CTDSPL2: variants seen among roughly 807,000 people sequenced by gnomAD.
CTDSPL2 encodes the protein CTD small phosphatase-like protein 2.
In CTDSPL2, 5 loss-of-function variants were observed where a neutral mutation model predicts 60.0. The ratio of observed to expected loss-of-function variants is 0.08; its 90% CI spans 0.04 to 0.18. CTDSPL2 has a LOEUF of 0.18. Ranked by LOEUF, CTDSPL2 falls within the 10% of genes least tolerant of loss-of-function variation. The pLI is 1.00. For missense variants in CTDSPL2, 370 were observed against 548.8 expected, an observed-to-expected ratio of 0.67 and a Z score of 3.26; for synonymous variants, 186 against 189.3, an observed-to-expected ratio of 0.98 and a Z score of 0.14.
intron 2 of CTDSPL2, among the ~76,000 whole-genome samples, chr15:44,466,265 G>A (rs887372730): frequency 7.2e-5 from 11 of 151,810 alleles, no homozygotes; most frequent in African/African-American, 1.2e-4. Context: ...TGATTCACCC[G>A]CCTTGGCCTC....
chr15:44,505,297 C>G (rs976011257), intron 8 of CTDSPL2, among the ~76,000 whole-genome samples: 26 of 152,100 alleles, frequency 1.7e-4, no homozygotes, highest in African/African-American at 6.3e-4. Flanking sequence ...TGGCACACAC[C>G]TCTAGTCCCA....
chr15:44,509,572 C>T (rs909695186), intron 8 of CTDSPL2, among the ~76,000 whole-genome samples: 3 of 152,128 alleles, frequency 2.0e-5, no homozygotes, highest in African/African-American at 4.8e-5. Context: ...TATCTATATA[C>T]AATTTTTATC....
At chr15:44,468,863 T>C (rs1452338645) in intron 2 of CTDSPL2, among the ~76,000 whole-genome samples, 1 of 152,170 alleles carries the variant, frequency 6.6e-6, no homozygotes, top group African/African-American at 2.4e-5. Context: ...CATGATAAAA[T>C]CTTACATCAT....
chr15:44,471,469 T>C (rs1462971809), intron 2 of CTDSPL2, among the ~76,000 whole-genome samples: 1 of 152,192 alleles, frequency 6.6e-6, no homozygotes, highest in Non-Finnish European at 1.5e-5. Context: ...TACAGCTCTA[T>C]GAGTTTGGGG....
chr15:44,472,141 A>C (rs2080823301), intron 2 of CTDSPL2, among the ~76,000 whole-genome samples: 1 of 152,232 alleles, frequency 6.6e-6, no homozygotes, highest in East Asian at 1.9e-4. Flanking sequence ...GACCATATGA[A>C]GAATGCTGTG....
At chr15:44,462,743 G>C (rs187835704) in intron 2 of CTDSPL2, among the ~76,000 whole-genome samples, 2 of 121,788 alleles carry the variant, frequency 1.6e-5, no homozygotes, top group Non-Finnish European at 3.2e-5. Flanking sequence ...GTCTTGGTCT[G>C]TTGCCCAGGG....
Position 44,526,981 on chromosome 15 carries a change from A to G in CTDSPL2, c.*2807A>G, listed in dbSNP as rs2081886133. The G allele has an allele frequency of 6.6e-6, 1 of 152,222 alleles. No homozygotes were observed. The highest frequency in any genetic ancestry group is 1.5e-5 in the Non-Finnish European group (1 of 67,978). 9.4% of individuals were successfully genotyped at this position (152,222 alleles called of 1,614,324 possible). ...TCTTTTAAATATTTGTATCATTGTT[A>G]GGATGTTTTAATCAGTTGTTTTTTA... On this transcript the variant is annotated 3_prime_UTR_variant, in exon 13 of 13. Transcript: ENST00000260327.
At chr15:44,523,090 A>G (rs1484662684) in intron 12 of CTDSPL2, among the ~76,000 whole-genome samples, 2 of 151,908 alleles carry the variant, frequency 1.3e-5, no homozygotes, top group African/African-American at 4.8e-5. Flanking sequence ...TCCGCCTCCC[A>G]TGTTCAAGGG....
At position 44,446,974 on chromosome 15, in the gene CTDSPL2, C is replaced by T. The variant is rs149613825; in HGVS notation, c.-24-12017C>T. 7.4e-3 allele frequency among the ~76,000 whole-genome samples: 1,116 copies of T among 151,746 alleles called. 12 individuals carry two copies. The highest frequency in any genetic ancestry group is 0.026 in the African/African-American group (1,066 of 41,424). On this transcript the variant is annotated intron_variant, in intron 1 of 12. Transcript: ENST00000260327. ...TTCACCATGTTGGCCAGGCTGGTCT[C>T]GAACTCCAGACCTCGTGAGCCACTG... is the stretch of plus-strand genomic sequence containing the variant.
intron 5 of CTDSPL2, among the ~76,000 whole-genome samples, chr15:44,495,953 CT>C (rs530717156): frequency 1.1e-3 from 162 of 152,128 alleles, no homozygotes; most frequent in Non-Finnish European, 2.1e-3. Context: ...CACAAAAAAC[CT>C]ACATTTGGGT....
intron 8 of CTDSPL2, among the ~76,000 whole-genome samples, chr15:44,514,296 G>A (rs1178648134): frequency 6.6e-6 from 1 of 152,140 alleles, no homozygotes; most frequent in Non-Finnish European, 1.5e-5. Context: ...AAATCTCAGA[G>A]GGAAACTTTC....
At chr15:44,494,777 G>T (rs569317604) in intron 5 of CTDSPL2, among the ~76,000 whole-genome samples, 1 of 151,746 alleles carries the variant, frequency 6.6e-6, no homozygotes, top group Non-Finnish European at 1.5e-5. Flanking sequence ...TTAGCCGGGC[G>T]TGGTAGCAGG....
intron 1 of CTDSPL2, among the ~76,000 whole-genome samples, chr15:44,457,022 A>T (rs1039081037): frequency 2.8e-4 from 43 of 151,928 alleles, no homozygotes; most frequent in African/African-American, 1.0e-3. Context: ...GACTACAGAC[A>T]TGCACCACCA....
chr15:44,437,016 CAT>C (rs2079992596), intron 1 of CTDSPL2, among the ~76,000 whole-genome samples: 1 of 152,160 alleles, frequency 6.6e-6, no homozygotes, highest in Non-Finnish European at 1.5e-5. Context: ...ACCTTACACA[CAT>C]AGTCTGAAGG....
At chr15:44,467,665 C>G (rs1432291865) in intron 2 of CTDSPL2, among the ~76,000 whole-genome samples, 1 of 152,168 alleles carries the variant, frequency 6.6e-6, no homozygotes, top group Non-Finnish European at 1.5e-5. Context: ...CCTCTGCCTC[C>G]TGGGTTCAAG....
At chr15:44,453,509 T>C (rs1371832623) in intron 1 of CTDSPL2, among the ~76,000 whole-genome samples, 1 of 152,106 alleles carries the variant, frequency 6.6e-6, no homozygotes, top group African/African-American at 2.4e-5. Flanking sequence ...TGTGCCATGT[T>C]GGTGTGCTGT....
Position 44,528,600 on chromosome 15 carries a change from T to C in CTDSPL2, c.*4426T>C, listed in dbSNP as rs982770994. On this transcript the variant is annotated 3_prime_UTR_variant, in exon 13 of 13. Coordinates refer to ENST00000260327, the MANE Select transcript of CTDSPL2 (RefSeq NM_016396.3). ...AGAAGATTAAGGCTACTGCTCATTA[T>C]CATTTTTGTCTTTCATATTTTTTAA... 5 of 152,034 alleles carry C rather than the reference T, an allele frequency of 3.3e-5. No homozygotes were observed. The highest frequency in any genetic ancestry group is 1.2e-4 in the African/African-American group (5 of 41,408). 9.4% of individuals were successfully genotyped at this position (152,034 alleles called of 1,614,324 possible). A position where few individuals can be genotyped will look rare whatever the true frequency, so the allele number is the denominator to read the frequency against.
intron 2 of CTDSPL2, among the ~76,000 whole-genome samples, chr15:44,461,226 A>G (rs1196759631): frequency 1.3e-5 from 2 of 152,194 alleles, no homozygotes; most frequent in East Asian, 1.9e-4. Context: ...CCCTTGAACA[A>G]TGTGGAGTTT....
At chr15:44,492,782 C>T (rs1193384983) in intron 5 of CTDSPL2, among the ~76,000 whole-genome samples, 3 of 152,074 alleles carry the variant, frequency 2.0e-5, no homozygotes, top group South Asian at 2.1e-4. Context: ...AATACAATTA[C>T]GTTCATTCTT....
Sources: gnomAD v4.1 joint callset for allele counts (sites outside exome capture counted in the v4.1 genomes callset) on GRCh38, gnomAD v4.1.1 for gene constraint, MANE v1.5 for transcripts, NCBI Gene and HGNC (gene_info 2026-07-23, HGNC 2026-07-21) for gene names.